Variants in ZNF595 observed in about 807,000 individuals in gnomAD.
ZNF595 encodes zinc finger protein 595.
In ZNF595, 9 loss-of-function variants were observed where a neutral mutation model predicts 19.4. The observed-to-expected ratio is 0.46, with a 90% confidence interval of 0.28 to 0.81. The LOEUF is 0.81. ZNF595 is among the 30% of genes least tolerant of loss of function. The probability of loss-of-function intolerance (pLI) is 0.11; values close to 1 mark genes in which losing one functional copy is unlikely to be tolerated. For synonymous variants in ZNF595, 255 were observed against 255.9 expected (o/e 1.00, Z 0.03); for missense variants, 729 against 736.0 (o/e 0.99, Z 0.11).
chr4:76,370 C>T (rs764554459), intron 3 of ZNF595, among the ~76,000 whole-genome samples: 2 of 152,086 alleles, frequency 1.3e-5, no homozygotes, highest in Non-Finnish European at 2.9e-5. Context: ...CTATTTATGT[C>T]ATACTTTACA....
chr4:86,772 C>T lies in ZNF595; in HGVS notation c.1268C>T (p.Pro423Leu), dbSNP rs782023653. 1 of 1,613,688 alleles carries T rather than the reference C, an allele frequency of 6.2e-7. No homozygotes were observed. The highest frequency in any genetic ancestry group is 8.5e-7 in the Non-Finnish European group (1 of 1,179,852). ...KHKRIHTGEK[P>L]YTCEECGKAF... ...AAGAGAATTCATACTGGAGAGAAAC[C>T]CTACACGTGCGAAGAATGTGGCAAA... The change falls in exon 4 of 4, where the codon CCC (proline) becomes CTC (leucine). Residue 423 changes from proline to leucine, a missense_variant. Physicochemically the swap from Pro to Leu is moderately conservative, Grantham distance 98. Around this residue, in one of 2 missense-constraint regions of ZNF595, gnomAD observed 729 missense variants for 675.3 expected, o/e 1.08. Coordinates refer to ENST00000610261, the MANE Select transcript of ZNF595 (RefSeq NM_182524.4).
At chr4:69,031 T>A (rs1553797481) in intron 3 of ZNF595, among the ~76,000 whole-genome samples, 1 of 152,232 alleles carries the variant, frequency 6.6e-6, no homozygotes, top group East Asian at 1.9e-4. Context: ...CTGGCTTATT[T>A]CTCTTAACAT....
chr4:86,527 A>C lies in ZNF595; in HGVS notation c.1023A>C (p.Thr341=). Reference sequence around the variant, plus strand: ...TTCATACTGGCGAAAAACCCTACACATGTGAAAAATGTGGCAAAGCTTTTA... The same window carrying C: ...TTCATACTGGCGAAAAACCCTACACCTGTGAAAAATGTGGCAAAGCTTTTA... ...KNIHTGEKPY[T]CEKCGKAFNQ... The change falls in exon 4 of 4, where the codon ACA becomes ACC. Residue 341 remains threonine (T), a synonymous_variant. Transcript: ENST00000610261. The C allele has an allele frequency of 6.2e-7, 1 of 1,613,560 alleles. No homozygotes were observed. Among genetic ancestry groups the C allele is most frequent in the South Asian group, 1.1e-5 (1 of 91,032 alleles).
intron 3 of ZNF595, among the ~76,000 whole-genome samples, chr4:71,313 T>G (rs1445713761): frequency 6.6e-6 from 1 of 152,334 alleles, no homozygotes; most frequent in Non-Finnish European, 1.5e-5. Context: ...TGGATGCCCT[T>G]TATTTTTTTC....
In ZNF595 at chr4:87,478, C is replaced by T; in HGVS notation, c.*27C>T. On this transcript the variant is annotated 3_prime_UTR_variant, in exon 4 of 4. Coordinates refer to ENST00000610261, the MANE Select transcript of ZNF595 (RefSeq NM_182524.4). Reference sequence around the variant, plus strand: ...TGACATTTCTAGTAATCTCTAATTCCAGTGTCTTTACACAGCAAATAAATT... The same window carrying T: ...TGACATTTCTAGTAATCTCTAATTCTAGTGTCTTTACACAGCAAATAAATT... 1 of 1,522,450 alleles carries T rather than the reference C, an allele frequency of 6.6e-7. No homozygotes were observed. Among genetic ancestry groups the T allele is most frequent in the South Asian group, 1.3e-5 (1 of 75,338 alleles). The allele number at this position is 1,522,450 out of a possible 1,614,324, so 94.3% of individuals were successfully genotyped here.
At chr4:82,388 T>A (rs1328103579) in intron 3 of ZNF595, among the ~76,000 whole-genome samples, 1 of 117,148 alleles carries the variant, frequency 8.5e-6, no homozygotes, top group African/African-American at 3.7e-5. Context: ...TTTTTTTTTT[T>A]TTTTTTTTTT....
At chr4:72,431 G>A (rs1366866941) in intron 3 of ZNF595, among the ~76,000 whole-genome samples, 2 of 152,092 alleles carry the variant, frequency 1.3e-5, no homozygotes, top group Admixed American at 6.5e-5. Flanking sequence ...ACAAGAAATC[G>A]TGGTAGATAC....
Position 85,915 on chromosome 4 carries a change from G to A in ZNF595, c.411G>A (p.Leu137=), listed in dbSNP as rs370031970. The change falls in exon 4 of 4, where the codon TTG becomes TTA. Residue 137 remains leucine, a synonymous_variant. Transcript: ENST00000610261. ...TTAATAATGGAGTTTACCAGTGCTT[G>A]TCAACTACCCAGAGCAAAATATTTC... ...KGVNNGVYQC[L]STTQSKIFQC... 17 of 1,613,768 alleles carry A rather than the reference G, an allele frequency of 1.1e-5. No individual in the cohort carries two copies. The African/African-American group carries it at 2.0e-4, about 19-fold the overall frequency.
chr4:75,264 A>G (rs1581378249), intron 3 of ZNF595, among the ~76,000 whole-genome samples: 2 of 152,376 alleles, frequency 1.3e-5, no homozygotes. Context: ...ATTTATAAAG[A>G]ATAAAAGTTT....
intron 3 of ZNF595, among the ~76,000 whole-genome samples, chr4:77,893 A>G (rs781817048): frequency 2.0e-4 from 30 of 152,186 alleles, no homozygotes; most frequent in Non-Finnish European, 3.2e-4. Context: ...GTCATTGGAC[A>G]GGCTCCTAGA....
chr4:79,222 T>C (rs1713802785), intron 3 of ZNF595, among the ~76,000 whole-genome samples: 1 of 152,218 alleles, frequency 6.6e-6, no homozygotes, highest in Admixed American at 6.5e-5. Context: ...GACTCTCATT[T>C]TATTTAAGGT....
intron 3 of ZNF595, among the ~76,000 whole-genome samples, chr4:84,744 C>T (rs1714062192): frequency 6.6e-6 from 1 of 152,124 alleles, no homozygotes; most frequent in African/African-American, 2.4e-5. Context: ...CTTTCTCACT[C>T]ATTACTTTTG....
At chr4:66,931 A>T (rs1713143524) in intron 3 of ZNF595, among the ~76,000 whole-genome samples, 1 of 149,650 alleles carries the variant, frequency 6.7e-6, no homozygotes, top group Non-Finnish European at 1.5e-5. Context: ...TTGAAATTCC[A>T]TGTAAAAGTT....
chr4:72,738 T>G (rs1471086100), intron 3 of ZNF595, among the ~76,000 whole-genome samples: 1 of 152,196 alleles, frequency 6.6e-6, no homozygotes, highest in African/African-American at 2.4e-5. Flanking sequence ...CCTGTGAACA[T>G]AAGTGCTGAG....
chr4:83,422 C>A (rs1282262449), intron 3 of ZNF595, among the ~76,000 whole-genome samples: 1 of 151,842 alleles, frequency 6.6e-6, no homozygotes, highest in East Asian at 1.9e-4. Context: ...ATTGAGATCA[C>A]TGGCTAACAT....
intron 3 of ZNF595, among the ~76,000 whole-genome samples, chr4:82,138 A>G (rs1713933399): frequency 6.6e-6 from 1 of 152,032 alleles, no homozygotes; most frequent in Non-Finnish European, 1.5e-5. Flanking sequence ...TGCTTCCAAC[A>G]TGTTTCTCTT....
At chr4:83,107 C>T (rs531461213) in intron 3 of ZNF595, among the ~76,000 whole-genome samples, 36 of 152,110 alleles carry the variant, frequency 2.4e-4, no homozygotes, top group African/African-American at 8.0e-4. Flanking sequence ...TTCAGGGTTT[C>T]CTAGTAAATG....
intron 3 of ZNF595, among the ~76,000 whole-genome samples, chr4:69,917 C>A (rs1421677791): frequency 6.6e-6 from 1 of 152,062 alleles, no homozygotes; most frequent in Admixed American, 6.6e-5. Context: ...GGGGTCTGCC[C>A]ACAGACCGTG....
intron 3 of ZNF595, among the ~76,000 whole-genome samples, chr4:66,347 AGTT>A (rs1308855061): frequency 5.7e-5 from 8 of 141,524 alleles, no homozygotes; most frequent in African/African-American, 1.3e-4. Context: ...TTTTTTTTGG[AGTT>A]GTTCTGGATG....
Sources: allele counts gnomAD v4.1 joint callset (sites outside exome capture counted in the v4.1 genomes callset), GRCh38; gene constraint gnomAD v4.1.1; regional missense constraint gnomAD v4.1.1; transcripts MANE v1.5; gene names NCBI Gene and HGNC (gene_info 2026-07-23, HGNC 2026-07-21).